Variants in PHLDB2 observed in about 807,000 individuals in gnomAD.
PHLDB2 encodes the protein pleckstrin homology like domain family B member 2, also known as pleckstrin homology-like domain family B member 2.
Under a neutral mutation model 123.6 loss-of-function variants are expected in PHLDB2, and 71 were observed. That is an observed-to-expected ratio of 0.57 (90% CI 0.47 to 0.70). The LOEUF (loss-of-function observed/expected upper bound fraction) is 0.70. Ranked by LOEUF, PHLDB2 falls within the 30% of genes least tolerant of loss-of-function variation. The pLI is 0.00. For missense variants in PHLDB2, 1,446 were observed against 1,519.5 expected, an observed-to-expected ratio of 0.95 and a Z score of 0.80; for synonymous variants, 547 against 541.6, an observed-to-expected ratio of 1.01 and a Z score of -0.14.
chr3:111,965,207 A>C (rs750750182), intron 13 of PHLDB2, among the ~76,000 whole-genome samples: 18 of 152,256 alleles, frequency 1.2e-4, no homozygotes, highest in Non-Finnish European at 2.2e-4. Flanking sequence ...AATGGAAATA[A>C]TGAGAAGATA....
chr3:111,781,412 G>T (rs560522879), intron 1 of PHLDB2, among the ~76,000 whole-genome samples: 1 of 151,866 alleles, frequency 6.6e-6, no homozygotes. Flanking sequence ...ATTACATTCT[G>T]TATCCACAGC....
intron 3 of PHLDB2, 169 bp downstream of exon 3, chr3:111,913,871 G>A (rs992682220): frequency 2.3e-6 from 2 of 871,706 alleles, no homozygotes; most frequent in Non-Finnish European, 3.4e-6. Flanking sequence ...GGTGTTTACT[G>A]TAAAGTAACA....
chr3:111,847,577 G>A (rs1455223349), intron 2 of PHLDB2, among the ~76,000 whole-genome samples: 1 of 152,024 alleles, frequency 6.6e-6, no homozygotes, highest in Admixed American at 6.6e-5. Context: ...CCCCTCTCAC[G>A]GCCAAATGCA....
At chr3:111,733,734 C>G (rs1941585044) in intron 1 of PHLDB2, among the ~76,000 whole-genome samples, 1 of 152,144 alleles carries the variant, frequency 6.6e-6, no homozygotes, top group Non-Finnish European at 1.5e-5. Flanking sequence ...TCTACACACT[C>G]TAGAAATATG....
intron 1 of PHLDB2, among the ~76,000 whole-genome samples, chr3:111,743,951 G>A (rs534706881): frequency 1.3e-5 from 2 of 152,066 alleles, no homozygotes; most frequent in African/African-American, 2.4e-5. Flanking sequence ...AGTTAATTAG[G>A]ATAGATTTGG....
chr3:111,900,129 C>T (rs1183303541), intron 2 of PHLDB2, among the ~76,000 whole-genome samples: 1 of 152,214 alleles, frequency 6.6e-6, no homozygotes, highest in Admixed American at 6.5e-5. Flanking sequence ...AGAGTTAGGG[C>T]CTTGCTCTGG....
At chr3:111,931,148 A>T (rs1188041805) in intron 5 of PHLDB2, among the ~76,000 whole-genome samples, 2 of 152,224 alleles carry the variant, frequency 1.3e-5, no homozygotes, top group African/African-American at 4.8e-5. Context: ...TGTTCCTGCC[A>T]GTTTATATAA....
At chr3:111,899,689 A>G (rs2067076818) in intron 2 of PHLDB2, among the ~76,000 whole-genome samples, 1 of 152,228 alleles carries the variant, frequency 6.6e-6, no homozygotes, top group Admixed American at 6.5e-5. Context: ...GAGTCAACCT[A>G]TCCTTTGAAG....
At chr3:111,885,552 C>A in intron 2 of PHLDB2, 140 bp downstream of exon 2, 1 of 1,095,520 alleles carries the variant, frequency 9.1e-7, no homozygotes, top group Non-Finnish European at 1.4e-6. Context: ...TTTCTCTTCT[C>A]TCCTGCTATC....
intron 1 of PHLDB2, among the ~76,000 whole-genome samples, chr3:111,772,505 A>G (rs1248839199): frequency 6.6e-6 from 1 of 152,128 alleles, no homozygotes; most frequent in Non-Finnish European, 1.5e-5. Context: ...CCAAAGCTGG[A>G]GGGCTTTTTA....
At chr3:111,891,565 T>C (rs2066498813) in intron 2 of PHLDB2, among the ~76,000 whole-genome samples, 1 of 151,962 alleles carries the variant, frequency 6.6e-6, no homozygotes, top group Non-Finnish European at 1.5e-5. Context: ...TATAATTATT[T>C]CATTACACAT....
intron 2 of PHLDB2, among the ~76,000 whole-genome samples, chr3:111,847,576 C>T (rs1282969): frequency 0.98 from 149,308 of 152,262 alleles, 73,279 homozygotes; most frequent in South Asian, 1. Context: ...TCCCCTCTCA[C>T]GGCCAAATGC....
chr3:111,968,339 G>T (rs918925137), intron 15 of PHLDB2, among the ~76,000 whole-genome samples: 1 of 152,138 alleles, frequency 6.6e-6, no homozygotes, highest in African/African-American at 2.4e-5. Context: ...GCACTGTATT[G>T]TCACATGTGT....
intron 1 of PHLDB2, among the ~76,000 whole-genome samples, chr3:111,788,583 C>G (rs1012720268): frequency 6.6e-6 from 1 of 152,188 alleles, no homozygotes; most frequent in African/African-American, 2.4e-5. Flanking sequence ...CTAAAAAGAG[C>G]CTAAGATGAT....
rs1196681139 is a variant in PHLDB2 at position 111,913,456 on chromosome 3, G to A, written c.1473G>A (p.Glu491=). The A allele has an allele frequency of 5.0e-6, 8 of 1,613,998 alleles. No individual in the cohort carries two copies. Among genetic ancestry groups the A allele is most frequent in the Non-Finnish European group, 6.8e-6 (8 of 1,180,014 alleles). ...KELEKLQLSD[E]ESVFEEALMS... ...TTGAGAAGCTGCAGCTCTCTGATGAGGAGTCTGTGTTTGAGGAAGCCCTCA... is the reference window on the plus strand; with the variant it reads ...TTGAGAAGCTGCAGCTCTCTGATGAAGAGTCTGTGTTTGAGGAAGCCCTCA... Residue 491 remains glutamate, a synonymous_variant, in exon 3 of 18, where the codon GAG becomes GAA. Coordinates refer to ENST00000431670, the MANE Select transcript of PHLDB2 (RefSeq NM_001134438.2).
At chr3:111,918,348 G>A (rs1030186986) in intron 3 of PHLDB2, among the ~76,000 whole-genome samples, 12 of 152,196 alleles carry the variant, frequency 7.9e-5, no homozygotes, top group African/African-American at 2.9e-4. Flanking sequence ...ATGGTGGCCA[G>A]TGTCCTGTTT....
intron 2 of PHLDB2, among the ~76,000 whole-genome samples, chr3:111,893,312 T>C (rs2066612269): frequency 6.6e-6 from 1 of 152,108 alleles, no homozygotes; most frequent in Non-Finnish European, 1.5e-5. Context: ...CCTCCAGTCT[T>C]ACTTGAATCT....
chr3:111,737,067 C>T (rs2059519771), intron 1 of PHLDB2, among the ~76,000 whole-genome samples: 1 of 152,180 alleles, frequency 6.6e-6, no homozygotes, highest in Admixed American at 6.5e-5. Context: ...GGAAGTCCTT[C>T]TACAAATTGA....
intron 2 of PHLDB2, chr3:111,911,504 A>G: frequency 4.4e-6 from 4 of 907,314 alleles, no homozygotes; most frequent in Non-Finnish European, 6.6e-6. Flanking sequence ...AAATAAGGCA[A>G]TGAAGGCTAT....
Sources: allele counts gnomAD v4.1 joint callset (sites outside exome capture counted in the v4.1 genomes callset), GRCh38; gene constraint gnomAD v4.1.1; transcripts MANE v1.5; gene names NCBI Gene and HGNC (gene_info 2026-07-23, HGNC 2026-07-21).